Variants in FOXP1 observed in about 807,000 individuals in gnomAD.
FOXP1 encodes the protein forkhead box protein P1.
In FOXP1, 15 loss-of-function variants were observed where a neutral mutation model predicts 98.2. The ratio of observed to expected loss-of-function variants is 0.15; its 90% confidence interval spans 0.10 to 0.24. The LOEUF (loss-of-function observed/expected upper bound fraction) is 0.24. Ranked by LOEUF, FOXP1 falls within the 10% of genes least tolerant of loss-of-function variation. The pLI, the probability that FOXP1 is intolerant of heterozygous loss-of-function variation, is 1.00. For missense variants in FOXP1, 633 were observed against 848.5 expected (o/e 0.75, Z 3.15); for synonymous variants, 371 against 314.5 (o/e 1.18, Z -1.90).
intron 5 of FOXP1, among the ~76,000 whole-genome samples, chr3:71,234,360 G>C (rs532898473): frequency 3.3e-5 from 5 of 152,220 alleles, no homozygotes; most frequent in African/African-American, 1.2e-4. Flanking sequence ...GAGATCATCC[G>C]ACAAAATGGA....
At chr3:71,310,867 G>C (rs1348332812) in intron 4 of FOXP1, among the ~76,000 whole-genome samples, 1 of 152,230 alleles carries the variant, frequency 6.6e-6, no homozygotes, top group Non-Finnish European at 1.5e-5. Flanking sequence ...GGAGCCAGAT[G>C]ACAGGCTCTC....
chr3:71,563,847 G>T (rs1418662851), intron 2 of FOXP1, among the ~76,000 whole-genome samples: 1 of 152,172 alleles, frequency 6.6e-6, no homozygotes, highest in Non-Finnish European at 1.5e-5. Context: ...CAAAAAATGA[G>T]GGCTTTCCTC....
chr3:71,087,864 C>T (rs551014716), intron 7 of FOXP1, among the ~76,000 whole-genome samples: 2 of 152,118 alleles, frequency 1.3e-5, no homozygotes, highest in East Asian at 1.9e-4. Flanking sequence ...TATGCAAAAG[C>T]GACTCATGTG....
chr3:71,216,149 C>T (rs1415244769), intron 5 of FOXP1, among the ~76,000 whole-genome samples: 1 of 152,220 alleles, frequency 6.6e-6, no homozygotes, highest in Admixed American at 6.5e-5. Context: ...ACCCCAGGAG[C>T]AGAGGCGCCT....
intron 14 of FOXP1, among the ~76,000 whole-genome samples, chr3:70,982,071 T>C (rs938694702): frequency 4.6e-5 from 7 of 152,118 alleles, no homozygotes; most frequent in East Asian, 1.9e-4. Context: ...AAAGGGAAGG[T>C]TGAGAGAGAA....
At chr3:71,164,136 T>G (rs2061285117) in intron 6 of FOXP1, among the ~76,000 whole-genome samples, 2 of 152,214 alleles carry the variant, frequency 1.3e-5, no homozygotes, top group Non-Finnish European at 2.9e-5. Flanking sequence ...TCTTCCATGT[T>G]AGGGCTAGAA....
intron 4 of FOXP1, among the ~76,000 whole-genome samples, chr3:71,313,715 C>T (rs1462623139): frequency 6.6e-6 from 1 of 151,530 alleles, no homozygotes; most frequent in Non-Finnish European, 1.5e-5. Flanking sequence ...TTAGTAGAGA[C>T]GGGGTTTCAC....
At chr3:71,561,027 A>T (rs192454085) in intron 2 of FOXP1, among the ~76,000 whole-genome samples, 14 of 152,274 alleles carry the variant, frequency 9.2e-5, no homozygotes, top group African/African-American at 3.1e-4. Flanking sequence ...ATGTGAATAT[A>T]CTAAAAACCA....
chr3:71,060,221 CCTTA>C (rs2051284256), intron 7 of FOXP1, among the ~76,000 whole-genome samples: 1 of 152,006 alleles, frequency 6.6e-6, no homozygotes, highest in South Asian at 2.1e-4. Context: ...TTTTATAAGG[CCTTA>C]CTTAGGGTGC....
intron 4 of FOXP1, among the ~76,000 whole-genome samples, chr3:71,329,254 C>G (rs1208277036): frequency 6.6e-6 from 1 of 151,690 alleles, no homozygotes; most frequent in Non-Finnish European, 1.5e-5. Flanking sequence ...GGGAGTCTCC[C>G]TCTGTCGCAC....
chr3:71,015,175 A>AACC (rs1241178548), intron 12 of FOXP1, among the ~76,000 whole-genome samples: 4 of 151,454 alleles, frequency 2.6e-5, no homozygotes, highest in African/African-American at 7.4e-5. Flanking sequence ...CAACAACAAC[A>AACC]ACAACAACAA....
chr3:70,979,867 A>G (rs1371831834), intron 14 of FOXP1, among the ~76,000 whole-genome samples: 1 of 152,218 alleles, frequency 6.6e-6, no homozygotes. Context: ...CCTGAAGAAA[A>G]GAAAGATCAA....
At chr3:71,036,831 C>A (rs1050851085) in intron 11 of FOXP1, among the ~76,000 whole-genome samples, 2 of 152,138 alleles carry the variant, frequency 1.3e-5, no homozygotes, top group East Asian at 1.9e-4. Flanking sequence ...TTCTTTTAAA[C>A]GCAGTGATTT....
intron 7 of FOXP1, among the ~76,000 whole-genome samples, chr3:71,055,715 T>C (rs1010200043): frequency 7.2e-5 from 11 of 152,338 alleles, no homozygotes; most frequent in Non-Finnish European, 1.5e-4. Context: ...CGGTATCCTT[T>C]GAGCTGCTAA....
At chr3:70,981,833 A>G (rs986624743) in intron 14 of FOXP1, among the ~76,000 whole-genome samples, 2 of 152,190 alleles carry the variant, frequency 1.3e-5, no homozygotes, top group Non-Finnish European at 2.9e-5. Flanking sequence ...CTAATTGCTA[A>G]TTTGCCAAAG....
intron 11 of FOXP1, among the ~76,000 whole-genome samples, chr3:71,025,966 T>C (rs1324163379): frequency 6.6e-6 from 1 of 152,178 alleles, no homozygotes; most frequent in East Asian, 1.9e-4. Context: ...TCTAAGAAAT[T>C]AGGGTATACT....
chr3:71,551,924 T>C (rs2107675036), intron 2 of FOXP1, among the ~76,000 whole-genome samples: 1 of 152,266 alleles, frequency 6.6e-6, no homozygotes, highest in South Asian at 2.1e-4. Flanking sequence ...CTCTAAACCA[T>C]TCCCTCCAGG....
intron 7 of FOXP1, among the ~76,000 whole-genome samples, chr3:71,084,382 TACAATGATTC>T (rs1244431649): frequency 4.6e-5 from 7 of 152,030 alleles, no homozygotes; most frequent in Admixed American, 4.6e-4. Context: ...AAACAAACTC[TACAATGATTC>T]ACTGATTCCT....
chr3:71,024,718 T>C (rs2045894581), intron 11 of FOXP1, among the ~76,000 whole-genome samples: 1 of 152,258 alleles, frequency 6.6e-6, no homozygotes, highest in Admixed American at 6.5e-5. Context: ...AATTAGTCTA[T>C]TAAGTGCCAG....
Sources: gnomAD v4.1 joint callset for allele counts (sites outside exome capture counted in the v4.1 genomes callset) on GRCh38, gnomAD v4.1.1 for gene constraint, MANE v1.5 for transcripts, NCBI Gene and HGNC (gene_info 2026-07-23, HGNC 2026-07-21) for gene names.